NFIA: variants seen among roughly 807,000 people sequenced by gnomAD.
The protein encoded by NFIA is nuclear factor 1 A-type.
NFIA carries 8 observed loss-of-function variants against 62.8 expected under a neutral mutation model. The observed-to-expected ratio is 0.13, with a 90% CI of 0.07 to 0.23. NFIA has a LOEUF of 0.23. NFIA is among the 10% of genes least tolerant of loss of function. The probability of loss-of-function intolerance (pLI) is 1.00; values close to 1 mark genes in which losing one functional copy is unlikely to be tolerated. For synonymous variants in NFIA, 235 were observed against 238.1 expected (o/e 0.99, Z 0.12); for missense variants, 410 against 642.1 (o/e 0.64, Z 3.91).
chr1:61,175,289 G>T (rs1032560203), intron 2 of NFIA, among the ~76,000 whole-genome samples: 1 of 151,858 alleles, frequency 6.6e-6, no homozygotes, highest in African/African-American at 2.4e-5. Context: ...CTACAAGCTC[G>T]CACCACCACA....
intron 2 of NFIA, among the ~76,000 whole-genome samples, chr1:61,169,052 C>T (rs2100546363): frequency 6.6e-6 from 1 of 152,258 alleles, no homozygotes; most frequent in East Asian, 1.9e-4. Context: ...CATAAAATAG[C>T]AACTTGTTAA....
At chr1:61,257,798 C>T (rs61131876) in intron 2 of NFIA, among the ~76,000 whole-genome samples, 2,428 of 151,724 alleles carry the variant, frequency 0.016, 71 homozygotes, top group African/African-American at 0.056. Flanking sequence ...TAGCCTCAAA[C>T]TCCTGGACTT....
intron 2 of NFIA, among the ~76,000 whole-genome samples, chr1:61,179,935 T>A (rs899203111): frequency 9.8e-5 from 15 of 152,310 alleles, no homozygotes; most frequent in South Asian, 2.1e-4. Flanking sequence ...TTCACTCTGT[T>A]TATCTTCTGA....
intron 2 of NFIA, among the ~76,000 whole-genome samples, chr1:61,205,972 AG>A (rs1416452211): frequency 7.2e-6 from 1 of 138,056 alleles, no homozygotes; most frequent in East Asian, 2.3e-4. Flanking sequence ...GCTGGAGTGC[AG>A]TGATGCAATC....
chr1:61,194,287 G>A (rs1223079623), intron 2 of NFIA, among the ~76,000 whole-genome samples: 1 of 152,134 alleles, frequency 6.6e-6, no homozygotes, highest in Non-Finnish European at 1.5e-5. Flanking sequence ...GTCACTGATG[G>A]ACGGTAGTAC....
intron 3 of NFIA, among the ~76,000 whole-genome samples, chr1:61,283,456 C>T (rs1247631396): frequency 2.0e-5 from 3 of 150,876 alleles, no homozygotes; most frequent in African/African-American, 7.3e-5. Context: ...ATGGCAGATG[C>T]TTGTAATCCT....
At chr1:61,082,524 G>A (rs1416052701), upstream of NFIA, 4 of 1,336,230 alleles carry the variant, frequency 3.0e-6, no homozygotes, top group Non-Finnish European at 3.8e-6. Flanking sequence ...CCCGCGTACA[G>A]TAGGCATGTA....
intron 2 of NFIA, among the ~76,000 whole-genome samples, chr1:61,227,885 T>A (rs573195397): frequency 6.6e-6 from 1 of 152,338 alleles, no homozygotes; most frequent in South Asian, 2.1e-4. Context: ...CTGTGAATAT[T>A]TAAGCCTAGA....
intron 2 of NFIA, among the ~76,000 whole-genome samples, chr1:61,174,115 A>T (rs186541057): frequency 2.0e-5 from 3 of 152,244 alleles, no homozygotes; most frequent in Admixed American, 2.0e-4. Flanking sequence ...TTTGTCTCTC[A>T]TCTTTTCCCC....
chr1:61,426,675 C>T, intron 10 of NFIA, 119 bp downstream of exon 10: 1 of 734,844 alleles, frequency 1.4e-6, no homozygotes, highest in East Asian at 2.7e-5. Flanking sequence ...CTTCCCTTTC[C>T]TCCTGATCCC....
intron 2 of NFIA, among the ~76,000 whole-genome samples, chr1:61,129,510 T>C (rs991658636): frequency 6.7e-6 from 1 of 148,690 alleles, no homozygotes; most frequent in Non-Finnish European, 1.5e-5. Flanking sequence ...AGTGCAGTGG[T>C]GTGATCTCGG....
At chr1:61,266,818 G>A (rs540377116) in intron 2 of NFIA, among the ~76,000 whole-genome samples, 2 of 152,298 alleles carry the variant, frequency 1.3e-5, no homozygotes, top group East Asian at 3.9e-4. Flanking sequence ...AAATTAAATA[G>A]CATGATGCTT....
At chr1:61,283,593 A>AAAAAAGAAAAAG (rs1658286276) in intron 3 of NFIA, among the ~76,000 whole-genome samples, 1 of 136,492 alleles carries the variant, frequency 7.3e-6, no homozygotes, top group African/African-American at 2.8e-5. Context: ...AAAAAAAAAA[A>AAAAAAGAAAAAG]AAAAAAAAAA....
chr1:61,459,077 T>G lies in NFIA; in HGVS notation c.*3757T>G, dbSNP rs1668430077. 6.6e-6 allele frequency: 1 copy of G among 152,244 alleles called. No individual in the cohort carries two copies. The highest frequency in any genetic ancestry group is 2.4e-5 in the African/African-American group (1 of 41,468). The allele number at this position is 152,244 out of a possible 1,614,324, so 9.4% of individuals were successfully genotyped here. On this transcript the variant is annotated 3_prime_UTR_variant, in exon 11 of 11. Coordinates refer to ENST00000403491, the MANE Select transcript of NFIA (RefSeq NM_001134673.4). Reference sequence around the variant, plus strand: ...CAACAGTTGCCAGTGTTTTTGCTTTTTAGCTTAAAAGCATAGTGAAGATGC... The same window carrying G: ...CAACAGTTGCCAGTGTTTTTGCTTTGTAGCTTAAAAGCATAGTGAAGATGC...
chr1:61,449,127 G>T (rs1357618892), intron 10 of NFIA, among the ~76,000 whole-genome samples: 1 of 152,300 alleles, frequency 6.6e-6, no homozygotes, highest in African/African-American at 2.4e-5. Context: ...TGCTACTGAC[G>T]CAGTTGGCCG....
At chr1:61,445,149 TTGTC>T (rs1223845259) in intron 10 of NFIA, among the ~76,000 whole-genome samples, 1 of 152,174 alleles carries the variant, frequency 6.6e-6, no homozygotes, top group Non-Finnish European at 1.5e-5. Flanking sequence ...ATAAATTAAA[TTGTC>T]TGTGTTAGAA....
chr1:61,408,641 AT>A (rs1377501844), intron 9 of NFIA, among the ~76,000 whole-genome samples: 1 of 152,178 alleles, frequency 6.6e-6, no homozygotes, highest in African/African-American at 2.4e-5. Context: ...GTGTGTCCTA[AT>A]GAGTTTTTCA....
At chr1:61,120,008 A>C (rs973216724) in intron 2 of NFIA, among the ~76,000 whole-genome samples, 1 of 152,224 alleles carries the variant, frequency 6.6e-6, no homozygotes, top group South Asian at 2.1e-4. Flanking sequence ...CACATCGCAA[A>C]GAAATCTGAT....
chr1:61,265,386 ATCATTTAAATAATTTTATCTC>A (rs1380246124), intron 2 of NFIA, among the ~76,000 whole-genome samples: 1 of 152,224 alleles, frequency 6.6e-6, no homozygotes, highest in Non-Finnish European at 1.5e-5. Flanking sequence ...ATTCACTTAC[ATCATTTAAATAATTTTATCTC>A]TCATAAAGAC....
Sources: gnomAD v4.1 joint callset for allele counts (sites outside exome capture counted in the v4.1 genomes callset) on GRCh38, gnomAD v4.1.1 for gene constraint, MANE v1.5 for transcripts, NCBI Gene and HGNC (gene_info 2026-07-23, HGNC 2026-07-21) for gene names.